The following GRIP1 variants were observed in gnomAD, a reference collection of about 807,000 sequenced individuals.
GRIP1 encodes glutamate receptor interacting protein 1, also known as glutamate receptor-interacting protein 1.
Under a neutral mutation model 129.9 loss-of-function variants are expected in GRIP1, and 45 were observed. That is an observed-to-expected ratio of 0.35 (90% CI 0.27 to 0.44). The LOEUF is 0.44. Among genes scored for constraint, GRIP1 ranks in the 20% least tolerant of loss-of-function variants. The pLI is 1.00. For missense variants in GRIP1, 1,196 were observed against 1,396.8 expected (o/e 0.86, Z 2.29); for synonymous variants, 530 against 520.8 (o/e 1.02, Z -0.24).
chr12:66,589,698 AACTT>A (rs2063783502), intron 2 of GRIP1, among the ~76,000 whole-genome samples: 1 of 152,224 alleles, frequency 6.6e-6, no homozygotes, highest in Non-Finnish European at 1.5e-5. Context: ...TACCAATTTA[AACTT>A]ACTTAAAATA....
intron 2 of GRIP1, among the ~76,000 whole-genome samples, chr12:66,584,930 T>C (rs1046359578): frequency 3.9e-5 from 6 of 151,930 alleles, no homozygotes; most frequent in Non-Finnish European, 8.8e-5. Context: ...GACTCACACA[T>C]CTTCTCAGCA....
chr12:66,619,260 C>A (rs1322486021), intron 1 of GRIP1, among the ~76,000 whole-genome samples: 1 of 152,010 alleles, frequency 6.6e-6, no homozygotes, highest in Non-Finnish European at 1.5e-5. Context: ...TCTTTTAAAA[C>A]AGAGTACAAA....
chr12:66,979,241 A>AC (rs1566104041), intron 1 of GRIP1, among the ~76,000 whole-genome samples: 17 of 127,428 alleles, frequency 1.3e-4, no homozygotes, highest in South Asian at 4.8e-4. Context: ...AAAAAAAAAA[A>AC]AAAAAAAAAA....
chr12:66,972,015 G>A (rs911860693), intron 1 of GRIP1, among the ~76,000 whole-genome samples: 2 of 152,116 alleles, frequency 1.3e-5, no homozygotes, highest in African/African-American at 4.8e-5. Flanking sequence ...GAACCGCGAG[G>A]ACCTTGTTGT....
upstream of GRIP1, among the ~76,000 whole-genome samples, chr12:66,680,709 C>A (rs1301167467): frequency 6.6e-6 from 1 of 152,104 alleles, no homozygotes; most frequent in African/African-American, 2.4e-5. Flanking sequence ...TAAATACTTA[C>A]AGTTAGCTCT....
At chr12:66,851,736 A>G (rs991799003) in intron 1 of GRIP1, among the ~76,000 whole-genome samples, 1 of 152,108 alleles carries the variant, frequency 6.6e-6, no homozygotes, top group Non-Finnish European at 1.5e-5. Flanking sequence ...TAACTTAACC[A>G]AGCCTCTGAT....
intron 1 of GRIP1, among the ~76,000 whole-genome samples, chr12:66,799,096 A>G (rs868373391): frequency 6.6e-6 from 1 of 152,238 alleles, no homozygotes; most frequent in South Asian, 2.1e-4. Context: ...ACTTGTTTGT[A>G]TATGTTACTT....
At chr12:66,698,582 C>T (rs1206897365) in intron 1 of GRIP1, among the ~76,000 whole-genome samples, 1 of 152,160 alleles carries the variant, frequency 6.6e-6, no homozygotes, top group Non-Finnish European at 1.5e-5. Context: ...CTAGAAATCT[C>T]GGCAGAGTTA....
chr12:66,833,036 A>G (rs2039546354), intron 1 of GRIP1, among the ~76,000 whole-genome samples: 1 of 152,190 alleles, frequency 6.6e-6, no homozygotes, highest in African/African-American at 2.4e-5. Flanking sequence ...GAACCTACCA[A>G]CTTAGGGCAG....
intron 1 of GRIP1, among the ~76,000 whole-genome samples, chr12:66,734,306 G>A (rs757403887): frequency 6.6e-6 from 1 of 152,150 alleles, no homozygotes; most frequent in Non-Finnish European, 1.5e-5. Context: ...GCTTTTCCTT[G>A]CTTCTGACAA....
At chr12:67,023,480 T>C (rs2042897113) in intron 1 of GRIP1, among the ~76,000 whole-genome samples, 1 of 152,188 alleles carries the variant, frequency 6.6e-6, no homozygotes, top group Non-Finnish European at 1.5e-5. Flanking sequence ...TCTGTTCCTT[T>C]GATTTATTTG....
intron 1 of GRIP1, among the ~76,000 whole-genome samples, chr12:66,929,238 C>A (rs1238115699): frequency 1.8e-4 from 27 of 152,180 alleles, no homozygotes; most frequent in Admixed American, 1.7e-3. Flanking sequence ...TCTAAAGGCT[C>A]TTCTAACTCT....
intron 1 of GRIP1, among the ~76,000 whole-genome samples, chr12:66,654,558 T>A (rs2033020420): frequency 6.6e-6 from 1 of 152,120 alleles, no homozygotes; most frequent in Non-Finnish European, 1.5e-5. Flanking sequence ...CTTTATAAAT[T>A]GACATGGGGC....
intron 1 of GRIP1, among the ~76,000 whole-genome samples, chr12:66,693,038 T>C (rs1201485737): frequency 6.6e-6 from 1 of 152,100 alleles, no homozygotes; most frequent in Admixed American, 6.5e-5. Context: ...GGATAGTGCT[T>C]GATACATAAA....
chr12:66,431,795 A>C (rs2058155866), intron 14 of GRIP1, among the ~76,000 whole-genome samples: 1 of 152,228 alleles, frequency 6.6e-6, no homozygotes, highest in Non-Finnish European at 1.5e-5. Flanking sequence ...CCATTCTATG[A>C]AAGTCCACTG....
At chr12:66,523,625 C>A (rs908542678) in intron 5 of GRIP1, among the ~76,000 whole-genome samples, 1 of 151,548 alleles carries the variant, frequency 6.6e-6, no homozygotes, top group South Asian at 2.1e-4. Context: ...CATCAACTAA[C>A]GAGCAAAATC....
chr12:66,380,965 C>A lies in GRIP1; in HGVS notation c.2465-1529G>T, dbSNP rs1023469140. Among the ~76,000 whole-genome samples the A allele has an allele frequency of 2.0e-5, 3 of 152,268 alleles. No individual in the cohort carries two copies. In the East Asian group the frequency reaches 5.8e-4, roughly 29 times the overall value. The stretch of plus-strand genomic sequence containing the variant: ...CAGGTACAGTTAAATGGCCTGATTG[C>A]GTAAGATGATTCTGTCTCCATGATA... On this transcript the variant is annotated intron_variant, in intron 19 of 24. Coordinates refer to ENST00000359742, the MANE Select transcript of GRIP1 (RefSeq NM_001366722.1).
intron 1 of GRIP1, among the ~76,000 whole-genome samples, chr12:66,713,725 A>G (rs1265322118): frequency 2.0e-5 from 3 of 151,874 alleles, no homozygotes; most frequent in East Asian, 1.9e-4. Context: ...CAGACTGTTT[A>G]CTTTATACCT....
Position 66,461,053 on chromosome 12 carries a change from A to G in GRIP1, c.1042+1871T>C, listed in dbSNP as rs995010716. 2.6e-5 allele frequency among the ~76,000 whole-genome samples: 4 copies of G among 152,316 alleles called. 1 individual carries two copies. In the South Asian group the frequency reaches 8.3e-4, roughly 32 times the overall value. On this transcript the variant is annotated intron_variant, in intron 9 of 24. Coordinates refer to ENST00000359742, the MANE Select transcript of GRIP1 (RefSeq NM_001366722.1). ...TACTTAAACTTCCTATCAGTTTCCT[A>G]TCCCTGCAACACAAACGACATCAGG...
Sources: gnomAD v4.1 joint callset for allele counts (sites outside exome capture counted in the v4.1 genomes callset) on GRCh38, gnomAD v4.1.1 for gene constraint, MANE v1.5 for transcripts, NCBI Gene and HGNC (gene_info 2026-07-23, HGNC 2026-07-21) for gene names.